DNMT3A: variants seen among roughly 807,000 people sequenced by gnomAD.
The protein encoded by DNMT3A is DNA methyltransferase 3 alpha.
DNMT3A carries 267 observed loss-of-function variants against 117.6 expected under a neutral mutation model. The observed-to-expected ratio is 2.27, with a 90% CI of 2.05 to 2.51. DNMT3A has a LOEUF of 2.51. Ranked by LOEUF, DNMT3A falls within the 30% of genes most tolerant of loss-of-function variation. The pLI, the probability that DNMT3A is intolerant of heterozygous loss-of-function variation, is 0.00. For synonymous variants in DNMT3A, 432 were observed against 474.8 expected (o/e 0.91, Z 1.17); for missense variants, 1,029 against 1,260.2 (o/e 0.82, Z 2.78).
chr2:25,250,200 G>A (rs890737790), intron 6 of DNMT3A, among the ~76,000 whole-genome samples: 1 of 152,190 alleles, frequency 6.6e-6, no homozygotes, highest in Non-Finnish European at 1.5e-5. Flanking sequence ...AGGGTCCCAG[G>A]TTAAGAACCT....
chr2:25,240,671 G>GGA lies in DNMT3A; in HGVS notation c.2140_2141dup (p.Ile715ProfsTer65). Reference sequence around the variant, plus strand: ...GGCCCTTGCGAGCAGGGTTGACGATGGAGAGGTCATTGCAGGGACTGCCCC... The same window carrying GGA: ...GGCCCTTGCGAGCAGGGTTGACGATGGAGAGAGGTCATTGCAGGGACTGCCCC... On this transcript the variant is annotated frameshift_variant, in exon 18 of 23. Coordinates refer to ENST00000321117, the MANE Select transcript of DNMT3A (RefSeq NM_022552.5). LOFTEE classifies it high-confidence loss of function. The GGA allele has an allele frequency of 6.2e-7, 1 of 1,614,268 alleles. No individual in the cohort carries two copies. The highest frequency in any genetic ancestry group is 8.5e-7 in the Non-Finnish European group (1 of 1,180,048).
Position 25,290,597 on chromosome 2 carries a change from C to T in DNMT3A, c.178-7886G>A, listed in dbSNP as rs1266547653. Among the ~76,000 whole-genome samples the T allele has an allele frequency of 2.6e-5, 4 of 152,230 alleles. No individual in the cohort carries two copies. In the East Asian group the frequency reaches 7.7e-4, roughly 29 times the overall value. On this transcript the variant is annotated intron_variant, in intron 3 of 22. Transcript: ENST00000321117. ...TCGGCCTCCCAAAGTACTGAGATTA[C>T]AGGCGTGAGCCACCACGCCCGGCCA...
At chr2:25,275,604 C>A in intron 4 of DNMT3A, 61 bp from the exon 5 acceptor site, 1 of 1,531,146 alleles carries the variant, frequency 6.5e-7, no homozygotes, top group East Asian at 2.5e-5. Context: ...TGGAGTGGCT[C>A]ACAGGCCCCA....
At position 25,274,871 on chromosome 2, in the gene DNMT3A, C is replaced by T; in HGVS notation, c.639+70G>A. ...TCTAAGGGTTAGCCTGAAGGGGAAA[C>T]TGAGGCCCATCACTTCTGGTTTTCC... On this transcript the variant is annotated intron_variant, in intron 6 of 22. Transcript: ENST00000321117. The T allele has an allele frequency of 2.6e-6, 4 of 1,552,314 alleles. No individual in the cohort carries two copies. In the East Asian group the frequency reaches 9.1e-5, roughly 35 times the overall value.
chr2:25,277,296 CG>C, intron 4 of DNMT3A, among the ~76,000 whole-genome samples: 1 of 152,274 alleles, frequency 6.6e-6, no homozygotes, highest in Non-Finnish European at 1.5e-5. Flanking sequence ...ACTTTTTTCG[CG>C]GGGGCCCCCT....
rs79478703 is a variant in DNMT3A, at chr2:25,235,984, A to G, written c.2479-159T>C. On this transcript the variant is annotated intron_variant, in intron 21 of 22. Transcript: ENST00000321117. ...TCTGAGTGAGCAGAGTTCGCAGGGCAGGAGCCTCCACAGACCCCACAGCCT... is the reference window on the plus strand; with the variant it reads ...TCTGAGTGAGCAGAGTTCGCAGGGCGGGAGCCTCCACAGACCCCACAGCCT... 0.047 allele frequency among the ~76,000 whole-genome samples: 7,203 copies of G among 152,132 alleles called. 253 individuals carry two copies. Among genetic ancestry groups the G allele is most frequent in the Middle Eastern group, 0.075 (22 of 292 alleles).
Position 25,244,528 on chromosome 2 carries a change from C to G in DNMT3A, c.1667+12G>C. On this transcript the variant is annotated intron_variant, in intron 14 of 22. Transcript: ENST00000321117. ...CAGCTAAGGAGACCACTGGAGGCCA[C>G]AACAGCCTCACCTGCAGCAGTTGTT... 1 of 1,613,712 alleles carries G rather than the reference C, an allele frequency of 6.2e-7. No homozygotes were observed. The highest frequency in any genetic ancestry group is 8.5e-7 in the Non-Finnish European group (1 of 1,179,638).
chr2:25,243,898 C>T lies in DNMT3A; in HGVS notation c.1936G>A (p.Gly646Arg). The T allele has an allele frequency of 1.3e-6, 2 of 1,551,936 alleles. No individual in the cohort carries two copies. Among genetic ancestry groups the T allele is most frequent in the Non-Finnish European group, 1.7e-6 (2 of 1,147,022 alleles). Reference sequence around the variant, plus strand: ...CACCTCTTGGGCCTGCACCCCTCACCTGTAGCGATTCCATCAAAGAGAGAC... The same window carrying T: ...CACCTCTTGGGCCTGCACCCCTCACTTGTAGCGATTCCATCAAAGAGAGAC... Reference protein sequence around the residue: ...VLSLFDGIATGLLVLKDLGIQ... With the variant: ...VLSLFDGIATRLLVLKDLGIQ... Residue 646 changes from glycine to arginine, a missense_variant and splice_region_variant, in exon 16 of 23, where the codon GGG (glycine) becomes AGG (arginine). Coordinates refer to ENST00000321117, the MANE Select transcript of DNMT3A (RefSeq NM_022552.5).
chr2:25,336,258 G>A (rs572706171), intron 1 of DNMT3A, among the ~76,000 whole-genome samples: 4 of 152,350 alleles, frequency 2.6e-5, no homozygotes, highest in Admixed American at 2.6e-4. Flanking sequence ...GACAGGGTCA[G>A]GCTGCAGAGA....
At position 25,234,511 on chromosome 2, in the gene DNMT3A, C is replaced by A; in HGVS notation, c.2598-91G>T. On this transcript the variant is annotated intron_variant, in intron 22 of 22. Transcript: ENST00000321117. This position sits in a 1 kb window ranked among gnomAD's most constrained non-coding sequence, Gnocchi z 4.5. ...TAACCACACAGCAGGACCCGGAGGACCAGCAGCCACCCGAAGTGCAGGGAC... is the reference window on the plus strand; with the variant it reads ...TAACCACACAGCAGGACCCGGAGGAACAGCAGCCACCCGAAGTGCAGGGAC... 1 of 1,438,372 alleles carries A rather than the reference C, an allele frequency of 7.0e-7. No homozygotes were observed. The highest frequency in any genetic ancestry group is 9.3e-7 in the Non-Finnish European group (1 of 1,075,992). 89.1% of individuals were successfully genotyped at this position (1,438,372 alleles called of 1,614,324 possible).
chr2:25,308,338 T>G (rs12104791), intron 2 of DNMT3A, among the ~76,000 whole-genome samples: 80,303 of 151,996 alleles, frequency 0.53, 21,495 homozygotes, highest in African/African-American at 0.57. Context: ...CAGCCATGTT[T>G]CCAAGTCACG....
At chr2:25,264,131 G>GGTTTTTTTTTTTTTTTTTTT (rs2029956245) in intron 6 of DNMT3A, among the ~76,000 whole-genome samples, 1 of 62,702 alleles carries the variant, frequency 1.6e-5, no homozygotes, top group Non-Finnish European at 3.6e-5. Flanking sequence ...ACAACCCTTT[G>GGTTTTTTTTTTTTTTTTTTT]GTTTTTTTTT....
chr2:25,246,659 A>G lies in DNMT3A; in HGVS notation c.1240T>C (p.Phe414Leu). The G allele has an allele frequency of 1.2e-6, 2 of 1,613,356 alleles. No homozygotes were observed. Among genetic ancestry groups the G allele is most frequent in the Non-Finnish European group, 1.7e-6 (2 of 1,179,902 alleles). The change falls in exon 10 of 23, where the codon TTC becomes CTC. Residue 414 changes from phenylalanine (F) to leucine (L), a missense_variant. By Grantham distance (22) the Phe-to-Leu change is conservative. Transcript: ENST00000321117. ...KPMIEWALGG[F>L]QPSGPKGLEP... ...AGGCCCTTAGGGCCAGAAGGCTGGA[A>G]GCCCCCCAGGGCCCATTCAATCATG...
intron 1 of DNMT3A, chr2:25,328,602 TC>T: frequency 2.1e-6 from 1 of 485,678 alleles, no homozygotes; most frequent in Non-Finnish European, 4.3e-6. Context: ...CCACAGCTTG[TC>T]CCCCGCAACC....
At position 25,240,197 on chromosome 2, in the gene DNMT3A, GAA is replaced by G; in HGVS notation, c.2322+103_2322+104del. 3 of 1,529,052 alleles carry G rather than the reference GAA, an allele frequency of 2.0e-6. 1 individual carries two copies. The highest frequency in any genetic ancestry group is 8.9e-7 in the Non-Finnish European group (1 of 1,127,684). The allele number at this position is 1,529,052 out of a possible 1,614,324, so 94.7% of individuals were successfully genotyped here. A position where few individuals can be genotyped will look rare whatever the true frequency, so the allele number is the denominator to read the frequency against. ...TCCCAAACAGGCCCCTTGCAAAGCA[GAA>G]GTCACCAGTCCCCAGCTCCACAATG... On this transcript the variant is annotated intron_variant, in intron 19 of 22. Coordinates refer to ENST00000321117, the MANE Select transcript of DNMT3A (RefSeq NM_022552.5).
At position 25,298,912 on chromosome 2, in the gene DNMT3A, C is replaced by A. The variant is rs2033253296; in HGVS notation, c.177+1227G>T. Among the ~76,000 whole-genome samples the A allele has an allele frequency of 6.6e-6, 1 of 151,376 alleles. No individual in the cohort carries two copies. Among genetic ancestry groups the A allele is most frequent in the African/African-American group, 2.4e-5 (1 of 41,180 alleles). On this transcript the variant is annotated intron_variant, in intron 3 of 22. Transcript: ENST00000321117. This position sits in a 1 kb window ranked among gnomAD's most constrained non-coding sequence, Gnocchi z 4.3. ...CATCTCAGTACACAGCAGGTTCCCA[C>A]ACCCCCCACCTCCAGGAACTCACCA...
Position 25,298,945 on chromosome 2 carries a change from C to CT in DNMT3A, c.177+1193_177+1194insA, listed in dbSNP as rs1253321410. ...ACCTCCAGGAACTCACCACCCCCCC[C>CT]GCCTCTACTGTCCCATTTCACTTCA... On this transcript the variant is annotated intron_variant, in intron 3 of 22. Transcript: ENST00000321117. This position sits in a 1 kb window ranked among gnomAD's most constrained non-coding sequence, Gnocchi z 4.3. Among the ~76,000 whole-genome samples, 1 of 151,298 alleles carries CT rather than the reference C, an allele frequency of 6.6e-6. No homozygotes were observed. Among genetic ancestry groups the CT allele is most frequent in the Non-Finnish European group, 1.5e-5 (1 of 67,760 alleles).
intron 4 of DNMT3A, among the ~76,000 whole-genome samples, chr2:25,277,961 T>C (rs2031564541): frequency 6.7e-6 from 1 of 150,368 alleles, no homozygotes; most frequent in Non-Finnish European, 1.5e-5. Flanking sequence ...CTTTCTGGAA[T>C]TTTCTCCCTG....
intron 2 of DNMT3A, among the ~76,000 whole-genome samples, chr2:25,302,430 A>T (rs1195149822): frequency 6.6e-6 from 1 of 152,222 alleles, no homozygotes; most frequent in Non-Finnish European, 1.5e-5. Context: ...AGCACAGCAG[A>T]GGAAGCATCT....
Sources: allele counts gnomAD v4.1 joint callset (sites outside exome capture counted in the v4.1 genomes callset), GRCh38; gene constraint gnomAD v4.1.1; non-coding constraint Gnocchi (gnomAD v3.1); transcripts MANE v1.5; gene names NCBI Gene and HGNC (gene_info 2026-07-23, HGNC 2026-07-21).